The following MAF variants were observed in gnomAD, a reference collection of about 807,000 sequenced individuals.
MAF encodes the protein transcription factor Maf.
In MAF, 10 loss-of-function variants were observed where a neutral mutation model predicts 22.0. The ratio of observed to expected loss-of-function variants is 0.45; its 90% CI spans 0.28 to 0.77. MAF has a LOEUF of 0.77. Among genes scored for constraint, MAF ranks in the 30% least tolerant of loss-of-function variants. The pLI, the probability that MAF is intolerant of heterozygous loss-of-function variation, is 0.12. For synonymous variants in MAF, 337 were observed against 255.8 expected (o/e 1.32, Z -3.03); for missense variants, 544 against 548.4 (o/e 0.99, Z 0.08).
the MAF span, among the ~76,000 whole-genome samples, chr16:79,387,866 TTTC>T: frequency 1.8e-4 from 27 of 152,234 alleles, no homozygotes; most frequent in Admixed American, 8.5e-4. Flanking sequence ...ATTAAGCTAA[TTTC>T]TTATTAATTA....
the MAF span, among the ~76,000 whole-genome samples, chr16:79,352,803 G>T: frequency 4.6e-5 from 7 of 152,122 alleles, no homozygotes; most frequent in Non-Finnish European, 1.0e-4. Flanking sequence ...GATGCCAGTA[G>T]CACCCTCACC....
At chr16:79,581,515 G>GA (rs148207879), downstream of MAF, among the ~76,000 whole-genome samples, 9,612 of 152,282 alleles carry the variant, frequency 0.063, 425 homozygotes, top group Middle Eastern at 0.12. Context: ...TTTGTCTGTG[G>GA]AACCCAATTT....
chr16:79,212,122 T>C, the MAF span: 10 of 1,532,882 alleles, frequency 6.5e-6, no homozygotes, highest in Admixed American at 4.0e-5. Flanking sequence ...TTTACTGTTA[T>C]AGAATAGCCT....
intron 1 of MAF, 74 bp downstream of exon 1, chr16:79,598,711 C>G (rs192081301): frequency 2.5e-6 from 4 of 1,599,676 alleles, no homozygotes; most frequent in East Asian, 2.3e-5. Context: ...CTAGAACTAG[C>G]AAGCCCACAC....
downstream of MAF, among the ~76,000 whole-genome samples, chr16:79,593,202 T>C (rs1029905146): frequency 6.6e-6 from 1 of 152,194 alleles, no homozygotes; most frequent in Non-Finnish European, 1.5e-5. Flanking sequence ...GCCAAGAGTA[T>C]GTGAATACGG....
the MAF span, among the ~76,000 whole-genome samples, chr16:79,437,769 G>A: frequency 6.6e-6 from 1 of 152,222 alleles, no homozygotes; most frequent in Non-Finnish European, 1.5e-5. Flanking sequence ...ACCGTAGGCT[G>A]GCATTGGGCA....
chr16:79,221,489 A>G, the MAF span, among the ~76,000 whole-genome samples: 4 of 152,340 alleles, frequency 2.6e-5, no homozygotes, highest in Middle Eastern at 3.4e-3. Context: ...TCATACATCT[A>G]TATCTCATGT....
the MAF span, among the ~76,000 whole-genome samples, chr16:79,267,489 G>A: frequency 2.6e-5 from 4 of 152,198 alleles, no homozygotes; most frequent in African/African-American, 7.2e-5. Context: ...CCCTTTGCCC[G>A]CTGCTGCGGG....
the MAF span, among the ~76,000 whole-genome samples, chr16:79,252,093 A>G: frequency 6.6e-6 from 1 of 152,252 alleles, no homozygotes; most frequent in Non-Finnish European, 1.5e-5. Context: ...AGAAAGAAAC[A>G]TTTGGTCAAT....
At chr16:79,401,003 A>G in the MAF span, among the ~76,000 whole-genome samples, 3 of 152,054 alleles carry the variant, frequency 2.0e-5, no homozygotes, top group African/African-American at 7.2e-5. Context: ...GGGGCCACAG[A>G]CTCTGTCCGC....
At chr16:79,453,854 G>C in the MAF span, among the ~76,000 whole-genome samples, 1 of 152,146 alleles carries the variant, frequency 6.6e-6, no homozygotes, top group Non-Finnish European at 1.5e-5. Context: ...ATCTTAAGAA[G>C]ATGTGGATTA....
At chr16:79,482,310 G>T in the MAF span, among the ~76,000 whole-genome samples, 1 of 152,102 alleles carries the variant, frequency 6.6e-6, no homozygotes, top group African/African-American at 2.4e-5. Flanking sequence ...TTCTGTTGGG[G>T]AAGTGTGGAG....
the MAF span, among the ~76,000 whole-genome samples, chr16:79,434,305 T>G: frequency 1.3e-5 from 2 of 152,162 alleles, no homozygotes; most frequent in Non-Finnish European, 2.9e-5. Flanking sequence ...CACGGTGACG[T>G]GCTTATAAAT....
chr16:79,312,148 A>G, the MAF span, among the ~76,000 whole-genome samples: 1 of 152,084 alleles, frequency 6.6e-6, no homozygotes, highest in Non-Finnish European at 1.5e-5. Context: ...CATCATTACA[A>G]AAGTAATACT....
chr16:79,244,541 C>T, the MAF span, among the ~76,000 whole-genome samples: 1 of 151,996 alleles, frequency 6.6e-6, no homozygotes, highest in East Asian at 1.9e-4. Context: ...AGGAGAACTA[C>T]AAACCACTGC....
the MAF span, among the ~76,000 whole-genome samples, chr16:79,517,596 A>C: frequency 3.6e-5 from 4 of 112,228 alleles, no homozygotes; most frequent in African/African-American, 1.4e-4. Flanking sequence ...TTTTTTTGAG[A>C]TGGAGTCTCG....
chr16:79,315,819 C>CT, the MAF span, among the ~76,000 whole-genome samples: 5 of 152,242 alleles, frequency 3.3e-5, no homozygotes, highest in Non-Finnish European at 7.3e-5. Flanking sequence ...CACTACATTC[C>CT]TTTTCATTAA....
chr16:79,315,552 T>G, the MAF span, among the ~76,000 whole-genome samples: 1 of 152,202 alleles, frequency 6.6e-6, no homozygotes, highest in Non-Finnish European at 1.5e-5. Context: ...AGTGTACCCA[T>G]TTTACAGACG....
chr16:79,263,243 G>A, the MAF span, among the ~76,000 whole-genome samples: 4 of 152,178 alleles, frequency 2.6e-5, no homozygotes, highest in African/African-American at 7.2e-5. Context: ...TTTTGGCCAA[G>A]TCATTGCAAC....
Sources: allele counts gnomAD v4.1 joint callset (sites outside exome capture counted in the v4.1 genomes callset), GRCh38; gene constraint gnomAD v4.1.1; transcripts MANE v1.5; gene names NCBI Gene and HGNC (gene_info 2026-07-23, HGNC 2026-07-21).